Variants in ATXN2 observed in about 807,000 individuals in gnomAD.
The protein encoded by ATXN2 is ataxin 2.
A neutral mutation model predicts 138.6 loss-of-function variants in ATXN2; 37 were observed. The ratio of observed to expected loss-of-function variants is 0.27; its 90% CI spans 0.21 to 0.35. The LOEUF (loss-of-function observed/expected upper bound fraction) is 0.35. ATXN2 is among the 10% of genes least tolerant of loss of function. The pLI is 1.00. For synonymous variants in ATXN2, 549 were observed against 543.7 expected (o/e 1.01, Z -0.13); for missense variants, 1,216 against 1,480.3 (o/e 0.82, Z 2.93).
At chr12:111,591,581 C>A (rs1444384309) in intron 1 of ATXN2, among the ~76,000 whole-genome samples, 1 of 152,082 alleles carries the variant, frequency 6.6e-6, no homozygotes, top group Non-Finnish European at 1.5e-5. Flanking sequence ...AGGAGAAATG[C>A]TTGGCCCCAT....
intron 18 of ATXN2, among the ~76,000 whole-genome samples, chr12:111,477,253 G>A (rs1876889657): frequency 6.6e-6 from 1 of 151,668 alleles, no homozygotes; most frequent in African/African-American, 2.4e-5. Flanking sequence ...CTACTCGAGA[G>A]GCTGAGGCAG....
In ATXN2 at chr12:111,523,319, A is replaced by G. The variant is rs191916763; in HGVS notation, c.696+1873T>C. 6.3e-4 allele frequency among the ~76,000 whole-genome samples: 96 copies of G among 152,314 alleles called. 1 individual carries two copies. Among genetic ancestry groups the G allele is most frequent in the African/African-American group, 2.3e-3 (94 of 41,580 alleles). On this transcript the variant is annotated intron_variant, in intron 6 of 24. Coordinates refer to ENST00000673436, the MANE Select transcript of ATXN2 (RefSeq NM_001372574.1). ...ATCTTAGATATCTTTCCATATTGGA[A>G]CACCATTCTTTTTGGGAGATATGTA...
chr12:111,455,177 A>G (rs1874982758), intron 23 of ATXN2: 4 of 700,590 alleles, frequency 5.7e-6, no homozygotes, highest in South Asian at 1.5e-5. Flanking sequence ...CGCCTCAGAG[A>G]GTTCTGTTAT....
At chr12:111,580,506 C>CA (rs1883933484) in intron 1 of ATXN2, among the ~76,000 whole-genome samples, 6 of 140,144 alleles carry the variant, frequency 4.3e-5, no homozygotes, top group Non-Finnish European at 4.7e-5. Flanking sequence ...ATTCTGTCTC[C>CA]AAAAAAGAAA....
At chr12:111,594,346 T>C (rs148929456) in intron 1 of ATXN2, among the ~76,000 whole-genome samples, 1 of 152,138 alleles carries the variant, frequency 6.6e-6, no homozygotes, top group Non-Finnish European at 1.5e-5. Flanking sequence ...CAGCACATTT[T>C]TTTTTTTTTT....
In ATXN2 at chr12:111,540,592, C is replaced by A. The variant is rs1023021708; in HGVS notation, c.571+11688G>T. On this transcript the variant is annotated intron_variant, in intron 5 of 24. Transcript: ENST00000673436. ...TTAAATCATTACAAGTGAGGAGGGC[C>A]ACCTTTTCATACATTCACTGGTCAT... Among the ~76,000 whole-genome samples the A allele has an allele frequency of 5.3e-4, 80 of 150,374 alleles. 10 individuals carry two copies. Among genetic ancestry groups the A allele is most frequent in the Non-Finnish European group, 6.0e-5 (4 of 67,140 alleles).
intron 8 of ATXN2, 126 bp from the exon 9 acceptor site, chr12:111,518,553 C>T (rs1483382943): frequency 9.4e-6 from 9 of 954,938 alleles, no homozygotes; most frequent in Non-Finnish European, 1.3e-5. Context: ...AACCAAACTG[C>T]CTCACTCCCA....
chr12:111,582,279 A>G (rs1287388169), intron 1 of ATXN2, among the ~76,000 whole-genome samples: 1 of 152,102 alleles, frequency 6.6e-6, no homozygotes, highest in Non-Finnish European at 1.5e-5. Flanking sequence ...CCCTGTCACT[A>G]CTAAAAATAC....
At chr12:111,483,456 T>C (rs1877407010) in intron 18 of ATXN2, among the ~76,000 whole-genome samples, 1 of 134,354 alleles carries the variant, frequency 7.4e-6, no homozygotes, top group South Asian at 2.2e-4. Flanking sequence ...AGAACTCTTT[T>C]TTTTTTTTTT....
At chr12:111,467,095 T>A (rs1387831371) in intron 20 of ATXN2, among the ~76,000 whole-genome samples, 1 of 151,956 alleles carries the variant, frequency 6.6e-6, no homozygotes, top group Non-Finnish European at 1.5e-5. Context: ...CTTAAGCAGA[T>A]TAAATTATGG....
intron 21 of ATXN2, among the ~76,000 whole-genome samples, chr12:111,460,589 T>C (rs1875502231): frequency 6.6e-6 from 1 of 152,158 alleles, no homozygotes; most frequent in Non-Finnish European, 1.5e-5. Flanking sequence ...TGTTTTTTTT[T>C]TGTAACTTTA....
At chr12:111,553,934 G>A (rs2135787959) in intron 3 of ATXN2, among the ~76,000 whole-genome samples, 1 of 152,118 alleles carries the variant, frequency 6.6e-6, no homozygotes, top group Non-Finnish European at 1.5e-5. Flanking sequence ...AAGGTTGGCT[G>A]AATCCATGAA....
chr12:111,526,153 C>T (rs190312857), intron 5 of ATXN2, among the ~76,000 whole-genome samples: 9 of 151,594 alleles, frequency 5.9e-5, no homozygotes, highest in African/African-American at 1.7e-4. Context: ...GTTAAGAGAT[C>T]GAGACCATCC....
Position 111,516,341 on chromosome 12 carries a change from G to A in ATXN2, c.1188C>T (p.Cys396=). 6.3e-7 allele frequency: 1 copy of A among 1,583,650 alleles called. No homozygotes were observed. Among genetic ancestry groups the A allele is most frequent in the South Asian group, 1.1e-5 (1 of 87,464 alleles). Residue 396 remains cysteine (C), a synonymous_variant, in exon 10 of 25, where the codon TGC becomes TGT. Coordinates refer to ENST00000673436, the MANE Select transcript of ATXN2 (RefSeq NM_001372574.1). This position sits in a 1 kb window ranked among gnomAD's most constrained non-coding sequence, Gnocchi z 5.0. ...VNGGVPWPSP[C]PSPSSRPPSR... is the part of the protein sequence containing the mutation. ...AAGGTGGGCGAGAGGAAGGAGATGG[G>A]CAAGGCGATGGCCAGGGAACACCTG...
intron 5 of ATXN2, among the ~76,000 whole-genome samples, chr12:111,549,948 G>C (rs1882032414): frequency 6.6e-6 from 1 of 151,442 alleles, no homozygotes; most frequent in Admixed American, 6.6e-5. Context: ...TCAGTAACCA[G>C]CTACTCGGGA....
chr12:111,518,512 G>A, intron 8 of ATXN2, 85 bp from the exon 9 acceptor site: 1 of 1,363,010 alleles, frequency 7.3e-7, no homozygotes, highest in Non-Finnish European at 9.9e-7. Context: ...TAGACAGAAG[G>A]GAATGCTTGT....
chr12:111,577,468 T>C (rs1883737368), intron 1 of ATXN2, among the ~76,000 whole-genome samples: 1 of 151,344 alleles, frequency 6.6e-6, no homozygotes, highest in African/African-American at 2.4e-5. Context: ...GGTTTCACCG[T>C]GTTAGCCAGG....
At position 111,456,209 on chromosome 12, in the gene ATXN2, C is replaced by T. The variant is rs1265228125; in HGVS notation, c.3090G>A (p.Gln1030=). The T allele has an allele frequency of 6.2e-7, 1 of 1,614,252 alleles. No individual in the cohort carries two copies. The highest frequency in any genetic ancestry group is 1.7e-5 in the Admixed American group (1 of 60,036). Residue 1030 remains glutamine (Q), a synonymous_variant, in exon 23 of 25, where the codon CAG becomes CAA. Transcript: ENST00000673436. ...CCGCGTGGTAAATGGCTGACTGCTG[C>T]TGTGGACTGGCCAGATGGAGAGCCT... The part of the protein sequence containing the change: ...AAQALHLASP[Q]QQSAIYHAGL...
At chr12:111,478,891 C>T (rs960903751) in intron 18 of ATXN2, among the ~76,000 whole-genome samples, 2 of 151,910 alleles carry the variant, frequency 1.3e-5, no homozygotes, top group African/African-American at 2.4e-5. Flanking sequence ...CGCCTGTAAT[C>T]CCAGCTACTT....
Sources: gnomAD v4.1 joint callset for allele counts (sites outside exome capture counted in the v4.1 genomes callset) on GRCh38, gnomAD v4.1.1 for gene constraint, Gnocchi (gnomAD v3.1) non-coding constraint, MANE v1.5 for transcripts, NCBI Gene and HGNC (gene_info 2026-07-23, HGNC 2026-07-21) for gene names.